The following AGBL4 variants were observed in gnomAD, a reference collection of about 807,000 sequenced individuals.
The protein encoded by AGBL4 is AGBL carboxypeptidase 4.
A neutral mutation model predicts 66.4 loss-of-function variants in AGBL4; 58 were observed. That is an observed-to-expected ratio of 0.87 (90% CI 0.71 to 1.09). The LOEUF is 1.09. Among genes scored for constraint, AGBL4 ranks in the 50% least tolerant of loss-of-function variants. The pLI, the probability that AGBL4 is intolerant of heterozygous loss-of-function variation, is 0.00. For synonymous variants in AGBL4, 234 were observed against 222.9 expected, an observed-to-expected ratio of 1.05 and a Z score of -0.44; for missense variants, 579 against 631.0, an observed-to-expected ratio of 0.92 and a Z score of 0.88.
intron 5 of AGBL4, among the ~76,000 whole-genome samples, chr1:49,026,221 C>T (rs1663674156): frequency 6.6e-6 from 1 of 152,064 alleles, no homozygotes; most frequent in African/African-American, 2.4e-5. Flanking sequence ...GTCCACTGCC[C>T]TAGAAGAAGA....
chr1:49,916,898 C>G (rs1476631776), intron 1 of AGBL4, among the ~76,000 whole-genome samples: 1 of 152,138 alleles, frequency 6.6e-6, no homozygotes, highest in Non-Finnish European at 1.5e-5. Flanking sequence ...GGCAGAAACC[C>G]TACAAGCCAG....
chr1:49,519,880 A>G (rs1650120305), intron 3 of AGBL4, among the ~76,000 whole-genome samples: 2 of 152,088 alleles, frequency 1.3e-5, no homozygotes, highest in African/African-American at 2.4e-5. Context: ...AGAACTGACA[A>G]TTTCATAAAT....
intron 3 of AGBL4, among the ~76,000 whole-genome samples, chr1:49,674,672 A>G (rs1164747442): frequency 6.6e-6 from 1 of 151,712 alleles, no homozygotes; most frequent in Non-Finnish European, 1.5e-5. Flanking sequence ...ATTACCTGGT[A>G]ACAGCCTAAC....
intron 3 of AGBL4, among the ~76,000 whole-genome samples, chr1:49,276,224 G>A (rs558552588): frequency 6.6e-6 from 1 of 151,986 alleles, no homozygotes; most frequent in African/African-American, 2.4e-5. Context: ...TCATGACTAA[G>A]AGACTGATTT....
intron 3 of AGBL4, among the ~76,000 whole-genome samples, chr1:49,486,791 T>C (rs950000659): frequency 7.2e-5 from 11 of 151,964 alleles, no homozygotes; most frequent in African/African-American, 2.7e-4. Context: ...TCCTCTTACA[T>C]GCAACCAAAA....
At chr1:49,658,292 T>G (rs1646191641) in intron 3 of AGBL4, among the ~76,000 whole-genome samples, 1 of 152,090 alleles carries the variant, frequency 6.6e-6, no homozygotes, top group Admixed American at 6.5e-5. Flanking sequence ...GAAATGCAAA[T>G]CAAAACCACA....
chr1:48,892,827 C>G (rs4926772), intron 5 of AGBL4, among the ~76,000 whole-genome samples: 76,535 of 152,052 alleles, frequency 0.5, 22,252 homozygotes, highest in Non-Finnish European at 0.67. Flanking sequence ...ACCATTCCCC[C>G]CCTTTTCTTT....
At chr1:49,516,421 T>C (rs1649829695) in intron 3 of AGBL4, among the ~76,000 whole-genome samples, 1 of 151,750 alleles carries the variant, frequency 6.6e-6, no homozygotes, top group Non-Finnish European at 1.5e-5. Flanking sequence ...AAAAAAGAGG[T>C]GTGCTGTCTC....
intron 1 of AGBL4, among the ~76,000 whole-genome samples, chr1:49,949,189 C>A (rs527977296): frequency 1.3e-5 from 2 of 151,532 alleles, no homozygotes; most frequent in African/African-American, 4.8e-5. Context: ...ACAAAAAAAT[C>A]ATCTCTCATC....
chr1:49,430,013 GTTT>G (rs1645750919), intron 3 of AGBL4, among the ~76,000 whole-genome samples: 1 of 151,584 alleles, frequency 6.6e-6, no homozygotes, highest in South Asian at 2.1e-4. Context: ...CCTGGCTAAT[GTTT>G]TTGTATTTTT....
At chr1:48,832,824 G>A (rs1163180390) in intron 6 of AGBL4, among the ~76,000 whole-genome samples, 1 of 152,166 alleles carries the variant, frequency 6.6e-6, no homozygotes, top group Non-Finnish European at 1.5e-5. Context: ...CTCTTCCTGA[G>A]TGCCTAAGCT....
intron 4 of AGBL4, among the ~76,000 whole-genome samples, chr1:49,145,499 T>A (rs1646200367): frequency 6.6e-6 from 1 of 152,222 alleles, no homozygotes; most frequent in African/African-American, 2.4e-5. Context: ...ATTATTTCAT[T>A]TATTTCCAGA....
At chr1:49,018,793 A>T (rs1480134226) in intron 5 of AGBL4, among the ~76,000 whole-genome samples, 1 of 152,152 alleles carries the variant, frequency 6.6e-6, no homozygotes, top group Non-Finnish European at 1.5e-5. Flanking sequence ...ATATTTCTTG[A>T]ATTTTTCAAC....
intron 3 of AGBL4, among the ~76,000 whole-genome samples, chr1:49,369,823 A>G (rs1258228831): frequency 1.3e-5 from 2 of 152,028 alleles, no homozygotes; most frequent in African/African-American, 4.8e-5. Context: ...CAACTTAGAG[A>G]GTGCTTATGA....
intron 4 of AGBL4, among the ~76,000 whole-genome samples, chr1:49,184,027 G>T (rs1646973277): frequency 6.6e-6 from 1 of 152,136 alleles, no homozygotes; most frequent in African/African-American, 2.4e-5. Flanking sequence ...TCAAGGCTGG[G>T]ACTGGAACCC....
chr1:49,492,029 GTCTC>G (rs1208385970), intron 3 of AGBL4, among the ~76,000 whole-genome samples: 6 of 151,808 alleles, frequency 4.0e-5, no homozygotes, highest in East Asian at 1.9e-4. Context: ...TGTGAATGTG[GTCTC>G]TCTCTCTCCC....
At chr1:49,951,774 T>A (rs545238625) in intron 1 of AGBL4, among the ~76,000 whole-genome samples, 8 of 151,984 alleles carry the variant, frequency 5.3e-5, no homozygotes, top group Non-Finnish European at 8.8e-5. Context: ...ACAATATATA[T>A]GTAAATCAAA....
chr1:49,094,856 A>G (rs1645066057), intron 4 of AGBL4, among the ~76,000 whole-genome samples: 1 of 152,280 alleles, frequency 6.6e-6, no homozygotes, highest in Admixed American at 6.5e-5. Context: ...GCAGAAGGAA[A>G]TAAAGGGTAT....
At chr1:49,571,194 C>T (rs915241004) in intron 3 of AGBL4, among the ~76,000 whole-genome samples, 4 of 151,478 alleles carry the variant, frequency 2.6e-5, no homozygotes, top group Admixed American at 2.6e-4. Flanking sequence ...AATCCTTTAA[C>T]TACATTAATT....
Sources: gnomAD v4.1 joint callset for allele counts (sites outside exome capture counted in the v4.1 genomes callset) on GRCh38, gnomAD v4.1.1 for gene constraint, MANE v1.5 for transcripts, NCBI Gene and HGNC (gene_info 2026-07-23, HGNC 2026-07-21) for gene names.